Variants in PTPRS observed in about 807,000 individuals in gnomAD.
PTPRS encodes receptor-type tyrosine-protein phosphatase S.
A neutral mutation model predicts 215.3 loss-of-function variants in PTPRS; 63 were observed. The observed-to-expected ratio is 0.29, with a 90% CI of 0.24 to 0.36. The LOEUF (loss-of-function observed/expected upper bound fraction) is 0.36. PTPRS is among the 10% of genes least tolerant of loss of function. The pLI is 1.00. For synonymous variants in PTPRS, 1,404 were observed against 1,191.4 expected (o/e 1.18, Z -3.68); for missense variants, 2,258 against 2,825.8 (o/e 0.80, Z 4.56).
At chr19:5,307,365 G>C (rs2049531255) in intron 1 of PTPRS, among the ~76,000 whole-genome samples, 1 of 151,960 alleles carries the variant, frequency 6.6e-6, no homozygotes, top group Non-Finnish European at 1.5e-5. Context: ...AACAGTACAA[G>C]AGGTCAAATA....
rs575032653 is a variant in PTPRS, at chr19:5,293,248, T to G, written c.-94-7014A>C. 6.9e-6 allele frequency: 1 copy of G among 145,976 alleles called. No homozygotes were observed. Among genetic ancestry groups the G allele is most frequent in the South Asian group, 2.3e-4 (1 of 4,432 alleles). The allele number at this position is 145,976 out of a possible 1,614,324, so 9.0% of individuals were successfully genotyped here. ...CCGGAGCGCGGCGCGCAGCGAAGAC[T>G]CGGGAGAGGCCTCGGCCTGGGGAGC... On this transcript the variant is annotated intron_variant, in intron 1 of 37. Transcript: ENST00000262963. This position sits in a 1 kb window ranked among gnomAD's most constrained non-coding sequence, Gnocchi z 8.4.
chr19:5,305,296 T>C (rs537865675), intron 1 of PTPRS, among the ~76,000 whole-genome samples: 1 of 152,068 alleles, frequency 6.6e-6, no homozygotes, highest in South Asian at 2.1e-4. Flanking sequence ...CTGTGATCCC[T>C]GCACTTTGGG....
chr19:5,207,879 G>A (rs900716515), intron 37 of PTPRS, 43 bp downstream of exon 37: 1 of 1,604,192 alleles, frequency 6.2e-7, no homozygotes. Flanking sequence ...GGGGCAGTCG[G>A]GGCGTGAGGC....
At position 5,240,338 on chromosome 19, in the gene PTPRS, G is replaced by C; in HGVS notation, c.1571-6C>G. 6.3e-7 allele frequency: 1 copy of C among 1,582,412 alleles called. No homozygotes were observed. Among genetic ancestry groups the C allele is most frequent in the Non-Finnish European group, 8.6e-7 (1 of 1,165,360 alleles). ...GTTCATGGGCTGGCCCGGCACTGTGGGGGTGCAGGGAGACAACTAGGAGTC... is the reference window on the plus strand; with the variant it reads ...GTTCATGGGCTGGCCCGGCACTGTGCGGGTGCAGGGAGACAACTAGGAGTC... On this transcript the variant is annotated splice_polypyrimidine_tract_variant and splice_region_variant and intron_variant, in intron 11 of 37. Transcript: ENST00000262963.
At chr19:5,256,002 C>A in intron 9 of PTPRS, 106 bp downstream of exon 9, 1 of 815,098 alleles carries the variant, frequency 1.2e-6, no homozygotes, top group South Asian at 2.2e-5. Context: ...GTGTGTGTGT[C>A]AGCGTGTGTC....
rs1040816925 is a variant in PTPRS at position 5,257,544 on chromosome 19, A to G, written c.706+473T>C. The stretch of plus-strand genomic sequence containing the variant: ...ACTTCTAGATTGAGGGCCCTGGATT[A>G]GGGGGGGCAGTGAAGCGGGGAGCTA... On this transcript the variant is annotated intron_variant, in intron 8 of 37. Transcript: ENST00000262963. The surrounding 1 kb of genome is among the most constrained non-coding windows in gnomAD (Gnocchi z 4.4). The G allele has an allele frequency of 4.6e-6, 2 of 438,766 alleles. No individual in the cohort carries two copies. Among genetic ancestry groups the G allele is most frequent in the Middle Eastern group, 5.1e-4 (1 of 1,942 alleles). 27.2% of individuals were successfully genotyped at this position (438,766 alleles called of 1,614,324 possible).
At chr19:5,223,414 G>GT (rs1219426777) in intron 17 of PTPRS, 117 bp from the exon 18 acceptor site, 5 of 1,251,760 alleles carry the variant, frequency 4.0e-6, no homozygotes, top group Admixed American at 3.6e-5. Context: ...TGAGTTGGGG[G>GT]GGGTCTTACT....
intron 4 of PTPRS, among the ~76,000 whole-genome samples, chr19:5,272,257 C>T (rs1187948305): frequency 6.6e-6 from 1 of 152,128 alleles, no homozygotes; most frequent in Non-Finnish European, 1.5e-5. Context: ...CATTATAAAA[C>T]AGCATCACTC....
At chr19:5,229,256 GCA>G (rs1347668689) in intron 16 of PTPRS, 58 bp downstream of exon 16, 1 of 1,354,762 alleles carries the variant, frequency 7.4e-7, no homozygotes, top group Non-Finnish European at 9.5e-7. Context: ...AGGAGTCACA[GCA>G]CAGCACGGCC....
At chr19:5,331,586 T>C (rs1169200459) in intron 1 of PTPRS, among the ~76,000 whole-genome samples, 3 of 152,060 alleles carry the variant, frequency 2.0e-5, no homozygotes, top group African/African-American at 2.4e-5. Context: ...CACCCAAAAA[T>C]GTCCCCAGAC....
chr19:5,326,132 G>A (rs2050160265), intron 1 of PTPRS, among the ~76,000 whole-genome samples: 1 of 152,224 alleles, frequency 6.6e-6, no homozygotes, highest in African/African-American at 2.4e-5. Context: ...TCGGGAGGCT[G>A]AGGCAGGAGA....
chr19:5,273,350 G>A, intron 4 of PTPRS, 92 bp downstream of exon 4: 1 of 1,578,322 alleles, frequency 6.3e-7, no homozygotes, highest in South Asian at 1.1e-5. Context: ...CAAAGCAGGA[G>A]GGTTTGGGGT....
intron 1 of PTPRS, among the ~76,000 whole-genome samples, chr19:5,322,879 CAAA>C (rs60988670): frequency 7.6e-5 from 5 of 65,920 alleles, no homozygotes; most frequent in Non-Finnish European, 1.2e-4. Flanking sequence ...AACTCCGTCT[CAAA>C]AAAAAAAAAA....
chr19:5,311,485 G>C (rs1424413043), intron 1 of PTPRS, among the ~76,000 whole-genome samples: 1 of 152,168 alleles, frequency 6.6e-6, no homozygotes, highest in Non-Finnish European at 1.5e-5. Context: ...CCTGGGCCCA[G>C]AAAGGACACG....
rs1478125902 is a variant in PTPRS, at chr19:5,223,168, G to A, written c.2624C>T (p.Ser875Leu). 11 of 1,566,028 alleles carry A rather than the reference G, an allele frequency of 7.0e-6. No individual in the cohort carries two copies. The highest frequency in any genetic ancestry group is 2.4e-5 in the East Asian group (1 of 42,088). The change falls in exon 18 of 38, where the codon TCG becomes TTG. Residue 875 changes from serine to leucine, a missense_variant. Physicochemically the swap from Ser to Leu is moderately radical, Grantham distance 145. Around this residue, in one of 6 missense-constraint regions of PTPRS, gnomAD observed 361 missense variants for 332.6 expected, o/e 1.09. Transcript: ENST00000262963. ...GAACTCCAGGGTGGCCAGGGGCGTC[G>A]AGTCCTCACGGCCAAACTGCAGGCG... ...GYRLQFGRED[S>L]TPLATLEFPP...
intron 12 of PTPRS, 39 bp from the exon 13 acceptor site, chr19:5,239,102 A>G (rs36155090): frequency 0.087 from 100,979 of 1,159,376 alleles, 3,412 homozygotes; most frequent in Non-Finnish European, 0.096. Context: ...GGGATGGGGG[A>G]GAGAGAGAGA....
At chr19:5,340,583 G>A (rs926984180) in intron 1 of PTPRS, 81 bp downstream of exon 1, 13 of 150,990 alleles carry the variant, frequency 8.6e-5, no homozygotes, top group African/African-American at 2.9e-4. Flanking sequence ...CTGCCCACTC[G>A]GCTGCCTCCG....
chr19:5,260,429 C>T (rs1472978719), intron 7 of PTPRS, among the ~76,000 whole-genome samples: 1 of 152,192 alleles, frequency 6.6e-6, no homozygotes, highest in Non-Finnish European at 1.5e-5. Flanking sequence ...ATTCACCTGC[C>T]TCGGCCTCCC....
intron 1 of PTPRS, among the ~76,000 whole-genome samples, chr19:5,328,831 C>T (rs933531486): frequency 6.6e-6 from 1 of 152,138 alleles, no homozygotes; most frequent in African/African-American, 2.4e-5. Context: ...GTTGAGGTCA[C>T]TGTGGCTGCC....
Sources: gnomAD v4.1 joint callset for allele counts (sites outside exome capture counted in the v4.1 genomes callset) on GRCh38, gnomAD v4.1.1 for gene constraint, gnomAD v4.1.1 regional missense constraint, Gnocchi (gnomAD v3.1) non-coding constraint, MANE v1.5 for transcripts, NCBI Gene and HGNC (gene_info 2026-07-23, HGNC 2026-07-21) for gene names.